Variants in KLHL29 observed in about 807,000 individuals in gnomAD.
The protein encoded by KLHL29 is kelch like family member 29.
KLHL29 carries 21 observed loss-of-function variants against 80.4 expected under a neutral mutation model. The ratio of observed to expected loss-of-function variants is 0.26; its 90% CI spans 0.19 to 0.38. KLHL29 has a LOEUF of 0.38. Among genes scored for constraint, KLHL29 ranks in the 10% least tolerant of loss-of-function variants. The pLI is 1.00. For missense variants in KLHL29, 867 were observed against 1,223.9 expected (o/e 0.71, Z 4.35); for synonymous variants, 511 against 526.8 (o/e 0.97, Z 0.41).
Position 23,703,782 on chromosome 2 carries a change from C to T in KLHL29, c.2363C>T (p.Ala788Val). 6.5e-7 allele frequency: 1 copy of T among 1,537,362 alleles called. No individual in the cohort carries two copies. Among genetic ancestry groups the T allele is most frequent in the Non-Finnish European group, 8.7e-7 (1 of 1,146,920 alleles). Residue 788 changes from alanine to valine, a missense_variant, in exon 13 of 14, where the codon GCC becomes GTC. This residue lies in a region of KLHL29 where 443 missense variants were observed against 767.0 expected (regional missense o/e 0.58). Coordinates refer to ENST00000486442, the MANE Select transcript of KLHL29 (RefSeq NM_052920.2). ...GFVFILGGAY[A>V]RATTIYDPEK... Reference sequence around the variant, plus strand: ...GTTTTCATCCTGGGCGGGGCTTATGCCAGAGCTACCACCATCTACGACCCT... The same window carrying T: ...GTTTTCATCCTGGGCGGGGCTTATGTCAGAGCTACCACCATCTACGACCCT...
intron 1 of KLHL29, among the ~76,000 whole-genome samples, chr2:23,418,755 A>G (rs2103400016): frequency 6.6e-6 from 1 of 151,994 alleles, no homozygotes; most frequent in African/African-American, 2.4e-5. Flanking sequence ...CAGCTGTTTC[A>G]TCTGTGAGTC....
rs1199597100 is a variant in KLHL29 at position 23,596,138 on chromosome 2, CA to C, written c.285+33659del. 6.6e-6 allele frequency among the ~76,000 whole-genome samples: 1 copy of C among 152,174 alleles called. No individual in the cohort carries two copies. The highest frequency in any genetic ancestry group is 1.5e-5 in the Non-Finnish European group (1 of 68,026). ...TTGGTGGTTTGAACTGAGCCGCATA[CA>C]ATAGAGCACCCTCGGCAGCCAGCCG... is the stretch of plus-strand genomic sequence containing the variant. On this transcript the variant is annotated intron_variant, in intron 3 of 13. Transcript: ENST00000486442. The surrounding 1 kb of genome is among the most constrained non-coding windows in gnomAD (Gnocchi z 4.4).
intron 2 of KLHL29, among the ~76,000 whole-genome samples, chr2:23,481,351 C>A (rs1233087089): frequency 6.6e-6 from 1 of 152,260 alleles, no homozygotes; most frequent in African/African-American, 2.4e-5. Flanking sequence ...CTCTCTCCTA[C>A]TTTTGATTTA....
At chr2:23,419,530 T>C (rs147487796) in intron 1 of KLHL29, among the ~76,000 whole-genome samples, 1 of 152,198 alleles carries the variant, frequency 6.6e-6, no homozygotes. Context: ...CTCATCTCTT[T>C]AATCACTGTG....
At chr2:23,417,851 C>T (rs1231006833) in intron 1 of KLHL29, among the ~76,000 whole-genome samples, 2 of 152,130 alleles carry the variant, frequency 1.3e-5, no homozygotes, top group South Asian at 2.1e-4. Flanking sequence ...ACTGCCACCA[C>T]GACCCCCACC....
chr2:23,563,470 C>G (rs917415072), intron 3 of KLHL29, among the ~76,000 whole-genome samples: 1 of 152,212 alleles, frequency 6.6e-6, no homozygotes, highest in Non-Finnish European at 1.5e-5. Flanking sequence ...CGTGTACATG[C>G]GTGTATGTGC....
intron 3 of KLHL29, among the ~76,000 whole-genome samples, chr2:23,618,905 A>G (rs1037813814): frequency 2.0e-5 from 3 of 152,234 alleles, no homozygotes; most frequent in Non-Finnish European, 4.4e-5. Flanking sequence ...AAAGCTCTGC[A>G]GCCACCACTC....
chr2:23,566,142 A>G (rs1307236589), intron 3 of KLHL29, among the ~76,000 whole-genome samples: 1 of 152,228 alleles, frequency 6.6e-6, no homozygotes, highest in Non-Finnish European at 1.5e-5. Context: ...TCTGTGGCCT[A>G]AAGATTCCTC....
chr2:23,496,617 G>A (rs1474196689), intron 2 of KLHL29, among the ~76,000 whole-genome samples: 3 of 152,310 alleles, frequency 2.0e-5, no homozygotes, highest in Non-Finnish European at 4.4e-5. Flanking sequence ...GTGCAGCCTG[G>A]GCAGGAAGCA....
chr2:23,624,493 A>C (rs901187118), intron 3 of KLHL29, among the ~76,000 whole-genome samples: 1 of 152,004 alleles, frequency 6.6e-6, no homozygotes, highest in African/African-American at 2.4e-5. Context: ...ATTGCCCCTC[A>C]CTATCTGTAT....
rs1241546042 is a variant in KLHL29 at position 23,684,907 on chromosome 2, T to C, written c.1079+370T>C. ...TCCATTTTAAGGGATCACTACACAC[T>C]GCCCCCACCGGGCCAGAGCAGGATC... is the stretch of plus-strand genomic sequence containing the variant. On this transcript the variant is annotated intron_variant, in intron 6 of 13. Transcript: ENST00000486442. This position sits in a 1 kb window ranked among gnomAD's most constrained non-coding sequence, Gnocchi z 4.4. Among the ~76,000 whole-genome samples, 2 of 152,044 alleles carry C rather than the reference T, an allele frequency of 1.3e-5. No individual in the cohort carries two copies. The highest frequency in any genetic ancestry group is 2.4e-5 in the African/African-American group (1 of 41,398).
At chr2:23,388,744 C>CAGAT (rs916795253) in intron 1 of KLHL29, among the ~76,000 whole-genome samples, 50 of 152,134 alleles carry the variant, frequency 3.3e-4, no homozygotes, top group African/African-American at 1.1e-3. Context: ...CAGCTACATA[C>CAGAT]AGATATAAAG....
intron 2 of KLHL29, among the ~76,000 whole-genome samples, chr2:23,498,465 G>C (rs1412704624): frequency 2.0e-5 from 3 of 152,178 alleles, no homozygotes; most frequent in South Asian, 4.1e-4. Flanking sequence ...GCCTCGCCCT[G>C]CCCTCCCTGC....
chr2:23,571,351 T>C (rs1667712668), intron 3 of KLHL29, among the ~76,000 whole-genome samples: 1 of 152,244 alleles, frequency 6.6e-6, no homozygotes, highest in Admixed American at 6.5e-5. Context: ...CCTGACAAAG[T>C]GACCTCGTGG....
chr2:23,529,183 C>T (rs1360195191), intron 2 of KLHL29, among the ~76,000 whole-genome samples: 3 of 152,242 alleles, frequency 2.0e-5, no homozygotes, highest in African/African-American at 7.2e-5. Flanking sequence ...GATCATAGCT[C>T]ACTGAGGCCT....
At chr2:23,672,500 C>G (rs1211777982) in intron 5 of KLHL29, 1 of 152,640 alleles carries the variant, frequency 6.6e-6, no homozygotes, top group Non-Finnish European at 1.5e-5. Context: ...TGGAGACAGC[C>G]AGCAGTCGCT....
chr2:23,603,534 G>A (rs573370182), intron 3 of KLHL29, among the ~76,000 whole-genome samples: 1 of 152,330 alleles, frequency 6.6e-6, no homozygotes, highest in African/African-American at 2.4e-5. Context: ...TGGGGTCTGA[G>A]GCCCAGGCCT....
At chr2:23,459,662 C>G (rs1400549717) in intron 1 of KLHL29, among the ~76,000 whole-genome samples, 1 of 152,176 alleles carries the variant, frequency 6.6e-6, no homozygotes, top group African/African-American at 2.4e-5. Context: ...CCACGGATGC[C>G]CAGTGACCAT....
chr2:23,639,097 C>G, intron 3 of KLHL29, 42 bp from the exon 4 acceptor site: 1 of 1,483,290 alleles, frequency 6.7e-7, no homozygotes. Context: ...GGAGGCTGGT[C>G]TCTGGCCAGG....
Sources: allele counts gnomAD v4.1 joint callset (sites outside exome capture counted in the v4.1 genomes callset), GRCh38; gene constraint gnomAD v4.1.1; regional missense constraint gnomAD v4.1.1; non-coding constraint Gnocchi (gnomAD v3.1); transcripts MANE v1.5; gene names NCBI Gene and HGNC (gene_info 2026-07-23, HGNC 2026-07-21).